ATPSCKMT: variants seen among roughly 807,000 people sequenced by gnomAD.
ATPSCKMT encodes the protein ATP synthase c subunit lysine N-methyltransferase, also known as ATP synthase subunit C lysine N-methyltransferase.
Under a neutral mutation model 24.3 loss-of-function variants are expected in ATPSCKMT, and 24 were observed. The observed-to-expected ratio is 0.99, with a 90% CI of 0.71 to 1.39. The LOEUF is 1.39. ATPSCKMT is among the 40% of genes most tolerant of loss of function. The pLI is 0.00. For missense variants in ATPSCKMT, 311 were observed against 298.4 expected, an observed-to-expected ratio of 1.04 and a Z score of -0.31; for synonymous variants, 95 against 110.5, an observed-to-expected ratio of 0.86 and a Z score of 0.88.
intron 1 of ATPSCKMT, among the ~76,000 whole-genome samples, chr5:10,241,334 G>C (rs2607328): frequency 0.16 from 24,568 of 152,200 alleles, 3,391 homozygotes; most frequent in East Asian, 0.72. Context: ...TTAGAATGTG[G>C]ACATTCCTGG....
chr5:10,235,204 T>A lies in ATPSCKMT; in HGVS notation c.495+7A>T, dbSNP rs764508909. 1.9e-6 allele frequency: 3 copies of A among 1,613,494 alleles called. No individual in the cohort carries two copies. Among genetic ancestry groups the A allele is most frequent in the Non-Finnish European group, 8.5e-7 (1 of 1,179,620 alleles). On this transcript the variant is annotated splice_region_variant and intron_variant, in intron 4 of 4. Coordinates refer to ENST00000511437, the MANE Select transcript of ATPSCKMT (RefSeq NM_199133.4). ...CCCAAACAGAGAGCAGGAAAGTGCATACTCACCATCTGAGGCACACCGAAA... is the reference window on the plus strand; with the variant it reads ...CCCAAACAGAGAGCAGGAAAGTGCAAACTCACCATCTGAGGCACACCGAAA...
At chr5:10,228,800 C>G (rs1452324712) in intron 4 of ATPSCKMT, among the ~76,000 whole-genome samples, 1 of 152,040 alleles carries the variant, frequency 6.6e-6, no homozygotes, top group African/African-American at 2.4e-5. Context: ...CCACCTCAAC[C>G]TCCTAATTTT....
At chr5:10,236,658 T>C (rs1744389276) in intron 2 of ATPSCKMT, 43 bp from the exon 3 acceptor site, 1 of 1,601,456 alleles carries the variant, frequency 6.2e-7, no homozygotes, top group Non-Finnish European at 8.5e-7. Flanking sequence ...GAAGAAAAAA[T>C]GAACATACAT....
At chr5:10,233,570 CCT>C (rs1470917868) in intron 4 of ATPSCKMT, among the ~76,000 whole-genome samples, 10 of 150,248 alleles carry the variant, frequency 6.7e-5, no homozygotes, top group African/African-American at 1.0e-4. Context: ...TCTTATTTCC[CCT>C]GATTGAACAG....
At chr5:10,234,189 G>A (rs548447180) in intron 4 of ATPSCKMT, among the ~76,000 whole-genome samples, 103 of 152,140 alleles carry the variant, frequency 6.8e-4, no homozygotes, top group Non-Finnish European at 1.0e-3. Flanking sequence ...TTAGCTGGGC[G>A]TGGTGGCAGG....
chr5:10,247,376 T>G (rs562569501), intron 1 of ATPSCKMT, among the ~76,000 whole-genome samples: 16 of 152,364 alleles, frequency 1.1e-4, no homozygotes, highest in South Asian at 4.1e-4. Context: ...GGTCTCACTC[T>G]GTCGTCCAGG....
intron 4 of ATPSCKMT, among the ~76,000 whole-genome samples, chr5:10,230,553 G>A (rs1028626514): frequency 1.3e-5 from 2 of 152,182 alleles, no homozygotes; most frequent in African/African-American, 4.8e-5. Context: ...TGAATCTGGT[G>A]CTTGATATCA....
In ATPSCKMT at chr5:10,226,433, A is replaced by G; in HGVS notation, c.*1008T>C. Reference sequence around the variant, plus strand: ...GTTACAGGTGTATGACTGGGAGTTCAATTCTTTTCTGTGATAAGTACGAAT... The same window carrying G: ...GTTACAGGTGTATGACTGGGAGTTCGATTCTTTTCTGTGATAAGTACGAAT... On this transcript the variant is annotated 3_prime_UTR_variant, in exon 5 of 5. Coordinates refer to ENST00000511437, the MANE Select transcript of ATPSCKMT (RefSeq NM_199133.4). 6.6e-6 allele frequency: 1 copy of G among 152,230 alleles called. No homozygotes were observed. The highest frequency in any genetic ancestry group is 2.4e-5 in the African/African-American group (1 of 41,462). The allele number at this position is 152,230 out of a possible 1,614,324, so 9.4% of individuals were successfully genotyped here.
intron 1 of ATPSCKMT, among the ~76,000 whole-genome samples, chr5:10,248,855 A>G (rs534316657): frequency 1.3e-5 from 2 of 152,334 alleles, no homozygotes; most frequent in Admixed American, 1.3e-4. Context: ...ACCCTCAACA[A>G]ATAAATCTAA....
chr5:10,246,204 C>T (rs1271215961), intron 1 of ATPSCKMT, among the ~76,000 whole-genome samples: 3 of 152,000 alleles, frequency 2.0e-5, no homozygotes, highest in African/African-American at 4.8e-5. Context: ...CCGAGGTGGG[C>T]GGATCACTTG....
intron 4 of ATPSCKMT, among the ~76,000 whole-genome samples, chr5:10,228,604 T>C (rs537418476): frequency 6.6e-6 from 1 of 152,218 alleles, no homozygotes; most frequent in Non-Finnish European, 1.5e-5. Context: ...TCTTTTAACT[T>C]GCTATTTTGG....
chr5:10,242,554 C>G (rs1046004598), intron 1 of ATPSCKMT, among the ~76,000 whole-genome samples: 7 of 152,154 alleles, frequency 4.6e-5, no homozygotes, highest in African/African-American at 1.7e-4. Flanking sequence ...GGATTGAAAT[C>G]AACTTCTTCC....
intron 1 of ATPSCKMT, among the ~76,000 whole-genome samples, chr5:10,241,195 C>T (rs900616034): frequency 6.6e-6 from 1 of 152,062 alleles, no homozygotes; most frequent in African/African-American, 2.4e-5. Flanking sequence ...GTCCTGACAT[C>T]ACCTTCTCTC....
intron 4 of ATPSCKMT, among the ~76,000 whole-genome samples, chr5:10,229,500 T>A (rs1744030115): frequency 6.6e-6 from 1 of 152,156 alleles, no homozygotes; most frequent in African/African-American, 2.4e-5. Flanking sequence ...GGATCCGGTG[T>A]CTCCATTGTG....
At chr5:10,231,662 C>T (rs1205930494) in intron 4 of ATPSCKMT, among the ~76,000 whole-genome samples, 1 of 152,082 alleles carries the variant, frequency 6.6e-6, no homozygotes, top group Non-Finnish European at 1.5e-5. Flanking sequence ...CTCCACAGCA[C>T]TTTTGCTTCT....
At chr5:10,246,465 A>G (rs983683889) in intron 1 of ATPSCKMT, among the ~76,000 whole-genome samples, 120 of 152,048 alleles carry the variant, frequency 7.9e-4, no homozygotes, top group African/African-American at 2.3e-3. Flanking sequence ...AAGAAAAAAA[A>G]AAAAAAAGAA....
chr5:10,231,217 G>A (rs1224769937), intron 4 of ATPSCKMT, among the ~76,000 whole-genome samples: 1 of 152,124 alleles, frequency 6.6e-6, no homozygotes, highest in Non-Finnish European at 1.5e-5. Context: ...GGGGCTGCCT[G>A]TGACCCCACC....
chr5:10,236,439 C>A, intron 3 of ATPSCKMT, 39 bp downstream of exon 3: 1 of 1,575,002 alleles, frequency 6.3e-7, no homozygotes, highest in Non-Finnish European at 8.6e-7. Flanking sequence ...ATAAAATTTT[C>A]CCTTGGATTT....
At chr5:10,243,410 G>A (rs1744740381) in intron 1 of ATPSCKMT, among the ~76,000 whole-genome samples, 1 of 152,200 alleles carries the variant, frequency 6.6e-6, no homozygotes, top group Admixed American at 6.5e-5. Flanking sequence ...TTTGAACCCG[G>A]GAGGCAGAGG....
Sources: gnomAD v4.1 joint callset for allele counts (sites outside exome capture counted in the v4.1 genomes callset) on GRCh38, gnomAD v4.1.1 for gene constraint, MANE v1.5 for transcripts, NCBI Gene and HGNC (gene_info 2026-07-23, HGNC 2026-07-21) for gene names.